The following CEP63 variants were observed in gnomAD, a reference collection of about 807,000 sequenced individuals.
CEP63 encodes the protein centrosomal protein 63, also known as centrosomal protein of 63 kDa.
Under a neutral mutation model 89.1 loss-of-function variants are expected in CEP63, and 84 were observed. The observed-to-expected ratio is 0.94, with a 90% CI of 0.79 to 1.13. The LOEUF is 1.13. Ranked by LOEUF, CEP63 falls within the 50% of genes most tolerant of loss-of-function variation. The pLI, the probability that CEP63 is intolerant of heterozygous loss-of-function variation, is 0.00. For synonymous variants in CEP63, 267 were observed against 272.5 expected, an observed-to-expected ratio of 0.98 and a Z score of 0.20; for missense variants, 838 against 813.3, an observed-to-expected ratio of 1.03 and a Z score of -0.37.
At chr3:134,699,640 G>A in the CEP63 span, among the ~76,000 whole-genome samples, 1 of 152,158 alleles carries the variant, frequency 6.6e-6, no homozygotes, top group African/African-American at 2.4e-5. Context: ...CGTCCTCACG[G>A]TTCTATGTGG....
chr3:134,682,797 C>T, the CEP63 span, among the ~76,000 whole-genome samples: 1 of 152,186 alleles, frequency 6.6e-6, no homozygotes, highest in African/African-American at 2.4e-5. Context: ...CTATTATCCT[C>T]ATTTTACTGC....
intron 5 of CEP63, among the ~76,000 whole-genome samples, chr3:134,534,282 G>T (rs548979541): frequency 2.6e-5 from 4 of 152,258 alleles, no homozygotes; most frequent in Admixed American, 2.0e-4. Flanking sequence ...TTCCTCCATA[G>T]ATAGTTTGAT....
the CEP63 span, among the ~76,000 whole-genome samples, chr3:134,674,071 A>G: frequency 6.6e-6 from 1 of 152,228 alleles, no homozygotes; most frequent in Non-Finnish European, 1.5e-5. Context: ...ATTTGGATCA[A>G]TGAGAACCTG....
the CEP63 span, among the ~76,000 whole-genome samples, chr3:134,684,585 C>T: frequency 6.6e-6 from 1 of 152,196 alleles, no homozygotes; most frequent in Non-Finnish European, 1.5e-5. Flanking sequence ...CACCATCCTG[C>T]AAAGCAGGAA....
At position 134,546,264 on chromosome 3, in the gene CEP63, C is replaced by G. The variant is rs142766824; in HGVS notation, c.905C>G (p.Thr302Ser). Residue 302 changes from threonine (T) to serine (S), a missense_variant, in exon 8 of 15, where the codon ACT becomes AGT. Transcript: ENST00000675561. ...CAAGAAAAAGTAAAGGCAACTAACA[C>G]TCAACATGCTGTAGAAGCTATAAGG... ...KLQEKVKATN[T>S]QHAVEAIRPR... is the part of the protein sequence containing the mutation. The G allele has an allele frequency of 1.4e-4, 223 of 1,613,592 alleles. 1 individual carries two copies. In the African/African-American group the frequency reaches 2.6e-3, roughly 19 times the overall value.
At chr3:134,661,047 C>T in the CEP63 span, among the ~76,000 whole-genome samples, 1 of 152,256 alleles carries the variant, frequency 6.6e-6, no homozygotes, top group Non-Finnish European at 1.5e-5. Context: ...CCTCACCACC[C>T]CCATCTTTAT....
the CEP63 span, among the ~76,000 whole-genome samples, chr3:134,686,066 G>A: frequency 6.6e-6 from 1 of 152,226 alleles, no homozygotes. Flanking sequence ...TGTCTGTGCT[G>A]TAAGCAACTC....
chr3:134,594,512 C>G, the CEP63 span, among the ~76,000 whole-genome samples: 1 of 152,058 alleles, frequency 6.6e-6, no homozygotes, highest in Non-Finnish European at 1.5e-5. Context: ...GGCACTCCTC[C>G]CATTGATTGG....
chr3:134,631,249 C>T, the CEP63 span, among the ~76,000 whole-genome samples: 8 of 152,118 alleles, frequency 5.3e-5, no homozygotes, highest in Admixed American at 5.2e-4. Flanking sequence ...GAATTCTAAA[C>T]AGGATAAATG....
At chr3:134,497,438 C>T (rs985850671) in intron 2 of CEP63, among the ~76,000 whole-genome samples, 19 of 152,238 alleles carry the variant, frequency 1.2e-4, no homozygotes, top group African/African-American at 4.3e-4. Flanking sequence ...GCAGCACAGT[C>T]GTAGCTCACT....
chr3:134,524,017 A>T (rs1244273978), intron 3 of CEP63, among the ~76,000 whole-genome samples: 1 of 152,120 alleles, frequency 6.6e-6, no homozygotes, highest in Non-Finnish European at 1.5e-5. Flanking sequence ...TCTTCCTTCC[A>T]TGAGCATGGA....
chr3:134,492,043 C>G (rs183291549), intron 1 of CEP63, among the ~76,000 whole-genome samples: 3 of 150,410 alleles, frequency 2.0e-5, no homozygotes, highest in Non-Finnish European at 4.4e-5. Flanking sequence ...CAAAGATTTG[C>G]CTATTATAAG....
the CEP63 span, among the ~76,000 whole-genome samples, chr3:134,689,923 C>T: frequency 6.6e-6 from 1 of 152,070 alleles, no homozygotes; most frequent in African/African-American, 2.4e-5. Flanking sequence ...CCTTCCATAG[C>T]GAGGAAGGGA....
downstream of CEP63, among the ~76,000 whole-genome samples, chr3:134,588,805 T>C (rs960961608): frequency 1.3e-5 from 2 of 151,990 alleles, no homozygotes; most frequent in Admixed American, 6.5e-5. Flanking sequence ...ATAAGATTGA[T>C]TGAACCTCTG....
At chr3:134,640,121 T>C in the CEP63 span, among the ~76,000 whole-genome samples, 3 of 151,730 alleles carry the variant, frequency 2.0e-5, no homozygotes, top group South Asian at 6.3e-4. Context: ...TTGCATAAAG[T>C]CTACCATTGA....
At chr3:134,734,403 T>C in the CEP63 span, among the ~76,000 whole-genome samples, 71 of 152,310 alleles carry the variant, frequency 4.7e-4, no homozygotes, top group African/African-American at 1.6e-3. Context: ...TCTTCTTATA[T>C]AGTATTCTTG....
the CEP63 span, among the ~76,000 whole-genome samples, chr3:134,615,752 A>C: frequency 6.6e-6 from 1 of 152,222 alleles, no homozygotes; most frequent in African/African-American, 2.4e-5. Flanking sequence ...ATGAATCTGC[A>C]TCTCCCAGAA....
the CEP63 span, among the ~76,000 whole-genome samples, chr3:134,664,137 A>G: frequency 2.6e-5 from 4 of 152,076 alleles, no homozygotes; most frequent in Admixed American, 1.3e-4. Flanking sequence ...GGCTGATTCA[A>G]TTTACCGCCT....
At chr3:134,531,305 C>T (rs1173785145) in intron 3 of CEP63, among the ~76,000 whole-genome samples, 1 of 152,044 alleles carries the variant, frequency 6.6e-6, no homozygotes, top group African/African-American at 2.4e-5. Context: ...ACAGTTTCGG[C>T]CGGGCGCGAT....
Sources: gnomAD v4.1 joint callset for allele counts (sites outside exome capture counted in the v4.1 genomes callset) on GRCh38, gnomAD v4.1.1 for gene constraint, MANE v1.5 for transcripts, NCBI Gene and HGNC (gene_info 2026-07-23, HGNC 2026-07-21) for gene names.